The following SORCS1 variants were observed in gnomAD, a reference collection of about 807,000 sequenced individuals.
The protein encoded by SORCS1 is sortilin related VPS10 domain containing receptor 1, also known as VPS10 domain-containing receptor SorCS1.
SORCS1 carries 60 observed loss-of-function variants against 146.1 expected under a neutral mutation model. That is an observed-to-expected ratio of 0.41 (90% CI 0.33 to 0.51). SORCS1 has a LOEUF of 0.51. Among genes scored for constraint, SORCS1 ranks in the 20% least tolerant of loss-of-function variants. SORCS1 has a pLI of 0.21. For synonymous variants in SORCS1, 637 were observed against 584.0 expected, an observed-to-expected ratio of 1.09 and a Z score of -1.31; for missense variants, 1,352 against 1,487.6, an observed-to-expected ratio of 0.91 and a Z score of 1.50.
chr10:107,042,243 T>C (rs1959172311), intron 1 of SORCS1, among the ~76,000 whole-genome samples: 1 of 152,190 alleles, frequency 6.6e-6, no homozygotes, highest in African/African-American at 2.4e-5. Flanking sequence ...TTTCTGGCAT[T>C]GTAGAATTAT....
chr10:106,773,963 T>C (rs1860231395), intron 4 of SORCS1, among the ~76,000 whole-genome samples: 2 of 151,234 alleles, frequency 1.3e-5, no homozygotes, highest in Non-Finnish European at 1.5e-5. Context: ...AAAAAAAGAA[T>C]GAGAACACTA....
rs1405675239 is a variant in SORCS1 at position 106,835,216 on chromosome 10, A to G, written c.627-5543T>C. 3.3e-5 allele frequency among the ~76,000 whole-genome samples: 5 copies of G among 152,356 alleles called. No homozygotes were observed. The East Asian group carries it at 9.6e-4, about 29-fold the overall frequency. On this transcript the variant is annotated intron_variant, in intron 2 of 25. Coordinates refer to ENST00000263054, the MANE Select transcript of SORCS1 (RefSeq NM_052918.5). ...GTATAGGATACAGCTAGTTTCCATA[A>G]GAGTTGCAGAAATGCAGTGTGTGAC...
chr10:107,144,728 ACTC>A (rs1459928684), intron 1 of SORCS1, among the ~76,000 whole-genome samples: 5 of 152,260 alleles, frequency 3.3e-5, no homozygotes, highest in East Asian at 1.9e-4. Context: ...CACCTGCTGA[ACTC>A]CTTGACATTC....
chr10:107,084,092 G>GTTTTT (rs34590427), intron 1 of SORCS1, among the ~76,000 whole-genome samples: 3 of 113,804 alleles, frequency 2.6e-5, no homozygotes, highest in Non-Finnish European at 3.6e-5. Context: ...GTTGTTTTTT[G>GTTTTT]TTTTTTTTTT....
intron 2 of SORCS1, among the ~76,000 whole-genome samples, chr10:106,870,813 G>T (rs1047989407): frequency 6.6e-6 from 1 of 152,106 alleles, no homozygotes; most frequent in Admixed American, 6.6e-5. Context: ...AAAACCTATT[G>T]CAACCAAAGC....
chr10:106,815,092 T>G (rs1947670376), intron 3 of SORCS1, among the ~76,000 whole-genome samples: 2 of 151,878 alleles, frequency 1.3e-5, no homozygotes, highest in Admixed American at 1.3e-4. Context: ...CCCGAGTAGC[T>G]GGGATACAGG....
intron 9 of SORCS1, among the ~76,000 whole-genome samples, chr10:106,694,328 C>T (rs1447268122): frequency 1.4e-4 from 22 of 152,096 alleles, no homozygotes; most frequent in Admixed American, 1.3e-3. Context: ...GGCACCATCT[C>T]GGCTCACTGC....
chr10:106,584,969 A>C (rs1174262275), intron 24 of SORCS1, among the ~76,000 whole-genome samples: 3 of 152,174 alleles, frequency 2.0e-5, no homozygotes. Flanking sequence ...AATATTCCTC[A>C]AAGTGTAGCT....
At chr10:106,936,423 T>G (rs189583278) in intron 2 of SORCS1, among the ~76,000 whole-genome samples, 2 of 152,280 alleles carry the variant, frequency 1.3e-5, no homozygotes, top group East Asian at 3.9e-4. Context: ...GAGCAGGCTT[T>G]TTCCTAACCC....
At chr10:107,050,124 T>G (rs1959968764) in intron 1 of SORCS1, among the ~76,000 whole-genome samples, 1 of 152,204 alleles carries the variant, frequency 6.6e-6, no homozygotes, top group African/African-American at 2.4e-5. Flanking sequence ...CTTTAAAAAT[T>G]AGCCTAAGGG....
chr10:107,056,092 G>A (rs1960604246), intron 1 of SORCS1, among the ~76,000 whole-genome samples: 2 of 152,232 alleles, frequency 1.3e-5, no homozygotes, highest in Non-Finnish European at 1.5e-5. Flanking sequence ...TGAGCTGCTT[G>A]TAGACATTGG....
chr10:106,675,036 C>T lies in SORCS1; in HGVS notation c.1940+13G>A, dbSNP rs1014490560. 1.3e-6 allele frequency: 2 copies of T among 1,598,656 alleles called. No individual in the cohort carries two copies. The highest frequency in any genetic ancestry group is 1.7e-6 in the Non-Finnish European group (2 of 1,166,972). On this transcript the variant is annotated intron_variant, in intron 14 of 25. Transcript: ENST00000263054. ...TCTATGAAGGCTGGACCACATCATA[C>T]TTTTCAACTTACGTCATGATGAGAG... is the stretch of plus-strand genomic sequence containing the variant.
At chr10:106,811,724 C>T (rs1947469655) in intron 3 of SORCS1, among the ~76,000 whole-genome samples, 1 of 152,258 alleles carries the variant, frequency 6.6e-6, no homozygotes, top group Middle Eastern at 3.4e-3. Flanking sequence ...GGCTAAGAAA[C>T]AGAAATTACT....
intron 3 of SORCS1, among the ~76,000 whole-genome samples, chr10:106,814,636 C>T (rs1947637346): frequency 6.6e-6 from 1 of 152,166 alleles, no homozygotes; most frequent in African/African-American, 2.4e-5. Context: ...TGGTCTTGGC[C>T]GGGCGCAGTC....
rs539126825 is a variant in SORCS1, at chr10:106,629,048, C to G, written c.2662+154G>C. ...TCTACTCTTTGATTTTCTTCTCACT[C>G]TTTCCTTATTTTGGTCTCTTAATCA... On this transcript the variant is annotated intron_variant, in intron 19 of 25. Coordinates refer to ENST00000263054, the MANE Select transcript of SORCS1 (RefSeq NM_052918.5). Among the ~76,000 whole-genome samples the G allele has an allele frequency of 8.5e-5, 13 of 152,324 alleles. 1 individual carries two copies. The East Asian group carries it at 2.5e-3, about 29-fold the overall frequency.
upstream of SORCS1, among the ~76,000 whole-genome samples, chr10:107,166,189 C>T (rs569525654): frequency 6.6e-6 from 1 of 152,254 alleles, no homozygotes; most frequent in East Asian, 1.9e-4. Flanking sequence ...TTTCTAGTTA[C>T]ATTTTTGTTC....
At chr10:106,962,394 C>CAAAAAAAAAAAAAAAAAAAAAAAA (rs60616146) in intron 1 of SORCS1, among the ~76,000 whole-genome samples, 1 of 62,576 alleles carries the variant, frequency 1.6e-5, no homozygotes, top group East Asian at 5.6e-4. Flanking sequence ...AACTCCATCT[C>CAAAAAAAAAAAAAAAAAAAAAAAA]AAAAAAAAAA....
chr10:106,816,419 G>A (rs1947743175), intron 3 of SORCS1, among the ~76,000 whole-genome samples: 1 of 152,168 alleles, frequency 6.6e-6, no homozygotes, highest in African/African-American at 2.4e-5. Context: ...TAGGTAGAGG[G>A]CTCAGTGCCT....
intron 3 of SORCS1, among the ~76,000 whole-genome samples, chr10:106,794,169 G>GGACAATGTCCAATA (rs1303760667): frequency 1.3e-5 from 2 of 152,110 alleles, no homozygotes; most frequent in Non-Finnish European, 2.9e-5. Flanking sequence ...ACAATGTCCA[G>GGACAATGTCCAATA]ATGTCCTGGA....
Sources: allele counts gnomAD v4.1 joint callset (sites outside exome capture counted in the v4.1 genomes callset), GRCh38; gene constraint gnomAD v4.1.1; transcripts MANE v1.5; gene names NCBI Gene and HGNC (gene_info 2026-07-23, HGNC 2026-07-21).